The following CSMD1 variants were observed in gnomAD, a reference collection of about 807,000 sequenced individuals.
CSMD1 encodes CUB and sushi domain-containing protein 1.
CSMD1 carries 213 observed loss-of-function variants against 417.5 expected under a neutral mutation model. The ratio of observed to expected loss-of-function variants is 0.51; its 90% CI spans 0.46 to 0.57. The LOEUF (loss-of-function observed/expected upper bound fraction) is 0.57. CSMD1 is among the 20% of genes least tolerant of loss of function. The pLI, the probability that CSMD1 is intolerant of heterozygous loss-of-function variation, is 0.00. For synonymous variants in CSMD1, 2,862 were observed against 1,736.8 expected (o/e 1.65, Z -16.11); for missense variants, 6,923 against 4,529.7 (o/e 1.53, Z -15.17).
intron 1 of CSMD1, among the ~76,000 whole-genome samples, chr8:4,826,859 G>A (rs140188773): frequency 1.6e-3 from 247 of 152,172 alleles, no homozygotes; most frequent in African/African-American, 5.8e-3. Context: ...CCAGCTGACG[G>A]ATAAGAAAAA....
chr8:4,780,654 T>A (rs1255008517), intron 1 of CSMD1, among the ~76,000 whole-genome samples: 1 of 152,204 alleles, frequency 6.6e-6, no homozygotes. Context: ...TGTGAGATCC[T>A]GGTGCACCCA....
intron 3 of CSMD1, among the ~76,000 whole-genome samples, chr8:4,201,849 G>A (rs181097928): frequency 2.9e-5 from 4 of 139,800 alleles, no homozygotes; most frequent in Admixed American, 7.4e-5. Context: ...TCTTAATTGT[G>A]TCTAATTAAC....
intron 23 of CSMD1, among the ~76,000 whole-genome samples, chr8:3,342,628 G>A (rs1034240513): frequency 1.3e-5 from 2 of 151,606 alleles, no homozygotes; most frequent in Non-Finnish European, 2.9e-5. Flanking sequence ...CTGTTCTTTT[G>A]GCTTCTTCAT....
At position 3,881,487 on chromosome 8, in the gene CSMD1, A is replaced by G. The variant is rs139607675; in HGVS notation, c.818+116416T>C. ...CTGTCTCTACTAAAAATACAAAAAA[A>G]TTAGCTGGGCGTAGTGGTGGGTGCC... On this transcript the variant is annotated intron_variant, in intron 5 of 69. Coordinates refer to ENST00000635120, the MANE Select transcript of CSMD1 (RefSeq NM_033225.6). Among the ~76,000 whole-genome samples, 1,354 of 151,630 alleles carry G rather than the reference A, an allele frequency of 8.9e-3. 10 individuals carry two copies. Among genetic ancestry groups the G allele is most frequent in the Middle Eastern group, 0.027 (8 of 294 alleles).
intron 2 of CSMD1, among the ~76,000 whole-genome samples, chr8:4,632,407 G>A (rs1470488712): frequency 6.6e-6 from 1 of 152,144 alleles, no homozygotes; most frequent in African/African-American, 2.4e-5. Flanking sequence ...AGTTACTCAG[G>A]AGGCTGAGAC....
At chr8:3,619,646 C>A (rs1289024213) in intron 7 of CSMD1, among the ~76,000 whole-genome samples, 1 of 152,006 alleles carries the variant, frequency 6.6e-6, no homozygotes, top group East Asian at 1.9e-4. Context: ...CAGCAAGACA[C>A]ATAATAATCA....
chr8:4,616,298 T>C (rs1381166198), intron 2 of CSMD1, among the ~76,000 whole-genome samples: 6 of 152,162 alleles, frequency 3.9e-5, no homozygotes, highest in Admixed American at 3.3e-4. Context: ...TCCAAATGAA[T>C]GTTTTCTTCA....
At chr8:3,437,731 G>C (rs191090925) in intron 12 of CSMD1, among the ~76,000 whole-genome samples, 2 of 150,342 alleles carry the variant, frequency 1.3e-5, no homozygotes, top group East Asian at 4.0e-4. Context: ...AGCCACTATA[G>C]ATGCAGCTAA....
chr8:4,682,948 G>C (rs1018017139), intron 1 of CSMD1, among the ~76,000 whole-genome samples: 36 of 94,678 alleles, frequency 3.8e-4, no homozygotes, highest in African/African-American at 1.3e-3. Context: ...GGAGCAATAA[G>C]TATCTTCATA....
chr8:4,307,204 GC>G (rs1200121694), intron 3 of CSMD1, among the ~76,000 whole-genome samples: 2 of 151,982 alleles, frequency 1.3e-5, no homozygotes, highest in Non-Finnish European at 2.9e-5. Flanking sequence ...CCCTTCTACG[GC>G]TCATTATTTT....
At chr8:3,536,361 G>T (rs563471278) in intron 10 of CSMD1, among the ~76,000 whole-genome samples, 4 of 152,310 alleles carry the variant, frequency 2.6e-5, no homozygotes, top group African/African-American at 9.6e-5. Context: ...TTAAGTGAGG[G>T]TGTCAGAATT....
intron 8 of CSMD1, among the ~76,000 whole-genome samples, chr8:3,607,661 G>C (rs764068717): frequency 1.6e-4 from 25 of 152,180 alleles, no homozygotes; most frequent in Non-Finnish European, 2.8e-4. Flanking sequence ...TCCATTGTTA[G>C]GCAGTGTATG....
intron 25 of CSMD1, among the ~76,000 whole-genome samples, chr8:3,288,713 G>T (rs1803332460): frequency 6.8e-6 from 1 of 146,484 alleles, no homozygotes; most frequent in Non-Finnish European, 1.5e-5. Flanking sequence ...TTTCTTGATA[G>T]CAGTTTATCA....
chr8:4,921,929 C>T (rs908205187), intron 1 of CSMD1, among the ~76,000 whole-genome samples: 3 of 152,202 alleles, frequency 2.0e-5, no homozygotes, highest in African/African-American at 4.8e-5. Flanking sequence ...GCCTTCTGAA[C>T]GTACCCTCAC....
intron 17 of CSMD1, among the ~76,000 whole-genome samples, chr8:3,392,297 G>C (rs572353588): frequency 5.9e-4 from 89 of 151,836 alleles, no homozygotes; most frequent in African/African-American, 2.0e-3. Flanking sequence ...ATTTTCACTT[G>C]AAAAAAAATA....
chr8:3,568,017 T>G (rs1223406191), intron 10 of CSMD1, among the ~76,000 whole-genome samples: 1 of 152,178 alleles, frequency 6.6e-6, no homozygotes, highest in Non-Finnish European at 1.5e-5. Flanking sequence ...GAAAAGTTGG[T>G]ACTGACAGAA....
At chr8:4,918,795 A>ATG (rs1423370653) in intron 1 of CSMD1, among the ~76,000 whole-genome samples, 1 of 152,226 alleles carries the variant, frequency 6.6e-6, no homozygotes, top group Non-Finnish European at 1.5e-5. Context: ...ATTTATATAT[A>ATG]AACACACTTG....
intron 3 of CSMD1, among the ~76,000 whole-genome samples, chr8:4,096,554 T>C (rs1047130147): frequency 5.4e-5 from 8 of 148,966 alleles, no homozygotes; most frequent in African/African-American, 5.1e-5. Context: ...TTCTTAACGA[T>C]TGATAATGCA....
At chr8:4,139,679 T>C (rs1424380523) in intron 3 of CSMD1, among the ~76,000 whole-genome samples, 1 of 151,038 alleles carries the variant, frequency 6.6e-6, no homozygotes, top group Admixed American at 6.6e-5. Flanking sequence ...ACAGTGCCAT[T>C]TGCAAATGTT....
Sources: allele counts gnomAD v4.1 joint callset (sites outside exome capture counted in the v4.1 genomes callset), GRCh38; gene constraint gnomAD v4.1.1; transcripts MANE v1.5; gene names NCBI Gene and HGNC (gene_info 2026-07-23, HGNC 2026-07-21).